TTLL5: variants seen among roughly 807,000 people sequenced by gnomAD.
TTLL5 encodes tubulin polyglutamylase TTLL5.
In TTLL5, 132 loss-of-function variants were observed where a neutral mutation model predicts 168.4. The observed-to-expected ratio is 0.78, with a 90% CI of 0.68 to 0.91. The LOEUF (loss-of-function observed/expected upper bound fraction) is 0.91, where lower values mean the gene tolerates loss of function less well. TTLL5 is among the 40% of genes least tolerant of loss of function. TTLL5 has a pLI of 0.00. For missense variants in TTLL5, 1,545 were observed against 1,581.5 expected (o/e 0.98, Z 0.39); for synonymous variants, 546 against 558.6 (o/e 0.98, Z 0.32).
intron 31 of TTLL5, among the ~76,000 whole-genome samples, chr14:75,937,742 A>T (rs943619464): frequency 6.6e-6 from 1 of 152,212 alleles, no homozygotes; most frequent in Non-Finnish European, 1.5e-5. Context: ...TATACACCAC[A>T]TTATCCATTC....
Position 75,696,722 on chromosome 14 carries a change from T to TC in TTLL5, c.503-2462dup, listed in dbSNP as rs1459686211. Among the ~76,000 whole-genome samples, 7 of 152,302 alleles carry TC rather than the reference T, an allele frequency of 4.6e-5. No individual in the cohort carries two copies. The East Asian group carries it at 1.2e-3, about 25-fold the overall frequency. On this transcript the variant is annotated intron_variant, in intron 6 of 31. Coordinates refer to ENST00000298832, the MANE Select transcript of TTLL5 (RefSeq NM_015072.5). The stretch of plus-strand genomic sequence containing the variant: ...TTGTTCCTCAGTCATCCCATTTTCC[T>TC]CCCCAGAGATGATCAGTGTTACTAG...
intron 9 of TTLL5, chr14:75,709,045 G>C: frequency 3.1e-6 from 2 of 636,008 alleles, no homozygotes; most frequent in East Asian, 2.8e-5. Context: ...AAGCTGTCCT[G>C]GGCTGTATGC....
chr14:75,699,313 T>C, intron 7 of TTLL5, 43 bp downstream of exon 7: 3 of 1,520,136 alleles, frequency 2.0e-6, no homozygotes, highest in Non-Finnish European at 2.7e-6. Flanking sequence ...TCACTTGTTC[T>C]TTCCTCCTTC....
At chr14:75,838,765 C>T (rs1248159498) in intron 28 of TTLL5, 2 of 152,708 alleles carry the variant, frequency 1.3e-5, no homozygotes, top group African/African-American at 2.4e-5. Flanking sequence ...CCGCAGCAGC[C>T]AGTCACTTGC....
chr14:75,743,117 G>T (rs539069551), intron 15 of TTLL5, among the ~76,000 whole-genome samples: 1 of 152,336 alleles, frequency 6.6e-6, no homozygotes, highest in Admixed American at 6.5e-5. Context: ...TGTTCTGGAT[G>T]TTGAAGATAC....
chr14:75,931,443 T>C (rs1365527354), intron 31 of TTLL5, among the ~76,000 whole-genome samples: 1 of 152,202 alleles, frequency 6.6e-6, no homozygotes, highest in African/African-American at 2.4e-5. Context: ...AGTTAACAAC[T>C]TAACAAGTCC....
intron 27 of TTLL5, among the ~76,000 whole-genome samples, chr14:75,807,788 G>A (rs1022821625): frequency 6.6e-6 from 1 of 152,180 alleles, no homozygotes; most frequent in African/African-American, 2.4e-5. Context: ...ACTTCACCCT[G>A]TGAGCTTGTT....
chr14:75,842,456 C>T (rs1468315769), intron 28 of TTLL5, among the ~76,000 whole-genome samples: 1 of 152,044 alleles, frequency 6.6e-6, no homozygotes, highest in Non-Finnish European at 1.5e-5. Flanking sequence ...CTTAATGTTC[C>T]TTAAGACTAG....
chr14:75,674,500 T>A (rs1349910678), intron 3 of TTLL5, among the ~76,000 whole-genome samples: 1 of 152,208 alleles, frequency 6.6e-6, no homozygotes. Context: ...ACATGTTTCA[T>A]TGAATTCACT....
At chr14:75,873,350 A>G (rs1408349904) in intron 29 of TTLL5, among the ~76,000 whole-genome samples, 1 of 152,200 alleles carries the variant, frequency 6.6e-6, no homozygotes, top group Non-Finnish European at 1.5e-5. Context: ...CTGGGATTAC[A>G]GGTGTGAGCC....
At chr14:75,804,090 T>C (rs950329960) in intron 27 of TTLL5, among the ~76,000 whole-genome samples, 2 of 152,160 alleles carry the variant, frequency 1.3e-5, no homozygotes, top group African/African-American at 4.8e-5. Flanking sequence ...GTGCCCGGGA[T>C]GTGGCCAGGC....
intron 6 of TTLL5, among the ~76,000 whole-genome samples, chr14:75,696,229 G>A (rs1016009198): frequency 6.6e-6 from 1 of 151,910 alleles, no homozygotes; most frequent in Non-Finnish European, 1.5e-5. Context: ...GTAGAACCTT[G>A]TACTTCCTTT....
chr14:75,831,713 G>A (rs1895577171), intron 28 of TTLL5, among the ~76,000 whole-genome samples: 1 of 152,198 alleles, frequency 6.6e-6, no homozygotes, highest in Admixed American at 6.5e-5. Flanking sequence ...TGTTTTAGCA[G>A]CTGCCAGGTA....
chr14:75,886,994 A>C (rs1232505389), intron 30 of TTLL5: 22 of 1,393,924 alleles, frequency 1.6e-5, no homozygotes, highest in Non-Finnish European at 1.9e-5. Flanking sequence ...TAAGAAACAC[A>C]GACTGAACTG....
At chr14:75,840,909 A>G (rs151160467) in intron 28 of TTLL5, among the ~76,000 whole-genome samples, 8 of 152,366 alleles carry the variant, frequency 5.3e-5, no homozygotes, top group African/African-American at 1.9e-4. Context: ...TGTAGGCTAT[A>G]CAGGAAGTGT....
intron 31 of TTLL5, among the ~76,000 whole-genome samples, chr14:75,919,647 C>T (rs1305657262): frequency 6.6e-6 from 1 of 152,134 alleles, no homozygotes. Flanking sequence ...AAAATACCTA[C>T]ATGAAAGGGC....
intron 27 of TTLL5, among the ~76,000 whole-genome samples, chr14:75,801,332 C>G (rs916781657): frequency 9.9e-5 from 15 of 152,108 alleles, no homozygotes; most frequent in African/African-American, 3.6e-4. Flanking sequence ...GCAGACCTCA[C>G]CCATTTCCCA....
At chr14:75,725,124 G>A (rs1888110545) in intron 12 of TTLL5, among the ~76,000 whole-genome samples, 1 of 152,182 alleles carries the variant, frequency 6.6e-6, no homozygotes, top group Non-Finnish European at 1.5e-5. Flanking sequence ...GCCATGCCCA[G>A]TACACCTCTG....
intron 18 of TTLL5, among the ~76,000 whole-genome samples, chr14:75,757,274 G>A (rs765938953): frequency 5.3e-5 from 8 of 152,208 alleles, no homozygotes; most frequent in South Asian, 4.2e-4. Context: ...CAATGCGCCC[G>A]TCCTTTTAAT....
Sources: gnomAD v4.1 joint callset for allele counts (sites outside exome capture counted in the v4.1 genomes callset) on GRCh38, gnomAD v4.1.1 for gene constraint, MANE v1.5 for transcripts, NCBI Gene and HGNC (gene_info 2026-07-23, HGNC 2026-07-21) for gene names.